Variants in MAU2 observed in about 807,000 individuals in gnomAD.
The protein encoded by MAU2 is MAU2 chromatid cohesion factor homolog.
Under a neutral mutation model 89.1 loss-of-function variants are expected in MAU2, and 9 were observed. That is an observed-to-expected ratio of 0.10 (90% CI 0.06 to 0.18). The LOEUF (loss-of-function observed/expected upper bound fraction) is 0.18. Ranked by LOEUF, MAU2 falls within the 10% of genes least tolerant of loss-of-function variation. MAU2 has a pLI of 1.00. For missense variants in MAU2, 425 were observed against 803.5 expected (o/e 0.53, Z 5.69); for synonymous variants, 357 against 343.4 (o/e 1.04, Z -0.44).
intron 13 of MAU2, chr19:19,348,509 C>A: frequency 2.5e-6 from 1 of 407,322 alleles, no homozygotes; most frequent in Non-Finnish European, 4.6e-6. Flanking sequence ...TCAGAGCCTC[C>A]CGGGGTCCCT....
rs1323920750 is a variant in MAU2 at position 19,356,188 on chromosome 19, CG to C, written c.*409del. 1 of 388,334 alleles carries C rather than the reference CG, an allele frequency of 2.6e-6. No individual in the cohort carries two copies. The highest frequency in any genetic ancestry group is 2.1e-5 in the African/African-American group (1 of 48,388). The allele number at this position is 388,334 out of a possible 1,614,324, so 24.1% of individuals were successfully genotyped here. On this transcript the variant is annotated 3_prime_UTR_variant, in exon 19 of 19. Coordinates refer to ENST00000262815, the MANE Select transcript of MAU2 (RefSeq NM_015329.4). ...CCATCACCCAGGCCTTGATGCCGAG[CG>C]GGAGTAGAGTGTTTCCTCTGCTCAA...
intron 1 of MAU2, among the ~76,000 whole-genome samples, chr19:19,333,018 G>A (rs1258042733): frequency 6.6e-6 from 1 of 151,914 alleles, no homozygotes; most frequent in East Asian, 1.9e-4. Context: ...CGGAGGTTGC[G>A]GTGAGCTGAG....
intron 14 of MAU2, 36 bp downstream of exon 14, chr19:19,348,974 A>G (rs1203533136): frequency 2.5e-6 from 4 of 1,607,864 alleles, no homozygotes; most frequent in Non-Finnish European, 3.4e-6. Context: ...CGCACGGCCT[A>G]GGCTCCCCGT....
rs1157418147 is a variant in MAU2 at position 19,343,700 on chromosome 19, G to A, written c.974-137G>A. 8.7e-6 allele frequency: 6 copies of A among 690,308 alleles called. No homozygotes were observed. The African/African-American group carries it at 1.0e-4, about 12-fold the overall frequency. 42.8% of individuals were successfully genotyped at this position (690,308 alleles called of 1,614,324 possible). ...CACACTCCTTCACTCAGAGGGTGCA[G>A]TGGGGACTAGGGGAGATGACGGGGT... On this transcript the variant is annotated intron_variant, in intron 9 of 18. Transcript: ENST00000262815.
chr19:19,351,306 C>A (rs1323666537), intron 16 of MAU2, among the ~76,000 whole-genome samples: 1 of 151,880 alleles, frequency 6.6e-6, no homozygotes, highest in Non-Finnish European at 1.5e-5. Flanking sequence ...CTTCAGCCTC[C>A]CAAAGTGCTA....
chr19:19,334,983 C>T (rs1034512613), intron 1 of MAU2, among the ~76,000 whole-genome samples: 6 of 152,194 alleles, frequency 3.9e-5, no homozygotes, highest in African/African-American at 7.2e-5. Context: ...CTGGGGACAG[C>T]GTTAGGCTTG....
intron 6 of MAU2, 90 bp from the exon 7 acceptor site, chr19:19,341,162 C>A: frequency 6.8e-7 from 1 of 1,462,884 alleles, no homozygotes; most frequent in Non-Finnish European, 9.2e-7. Context: ...GCAGCAGTCC[C>A]AGGGCAGGTG....
rs2061678501 is a variant in MAU2, at chr19:19,344,522, T to C, written c.1078-327T>C. On this transcript the variant is annotated intron_variant, in intron 10 of 18. Coordinates refer to ENST00000262815, the MANE Select transcript of MAU2 (RefSeq NM_015329.4). ...GGGGGTCCTTTGACAGTGATTGTTA[T>C]ACCCCACCCTGCCATTAGGAACACT... 9.6e-6 allele frequency: 4 copies of C among 418,486 alleles called. No individual in the cohort carries two copies. In the East Asian group the frequency reaches 1.2e-4, roughly 13 times the overall value. The allele number at this position is 418,486 out of a possible 1,614,324, so 25.9% of individuals were successfully genotyped here. A position where few individuals can be genotyped will look rare whatever the true frequency, so the allele number is the denominator to read the frequency against.
intron 5 of MAU2, among the ~76,000 whole-genome samples, chr19:19,340,136 G>A (rs2061629853): frequency 6.8e-6 from 1 of 147,894 alleles, no homozygotes; most frequent in Non-Finnish European, 1.5e-5. Flanking sequence ...CTGCACTCCA[G>A]CCTGGGCGAC....
intron 16 of MAU2, among the ~76,000 whole-genome samples, chr19:19,351,837 A>AT (rs35932608): frequency 0.015 from 875 of 58,980 alleles, 105 homozygotes; most frequent in Admixed American, 0.036. Flanking sequence ...CTGTTTGGTA[A>AT]TTTTTTTTTT....
chr19:19,331,393 T>G (rs1261833197), intron 1 of MAU2, among the ~76,000 whole-genome samples: 1 of 151,710 alleles, frequency 6.6e-6, no homozygotes, highest in Admixed American at 6.6e-5. Flanking sequence ...TCCCAGCTAC[T>G]CAGGAGGCTG....
At chr19:19,329,164 G>A (rs1053541923) in intron 1 of MAU2, 3 of 454,838 alleles carry the variant, frequency 6.6e-6, no homozygotes, top group Non-Finnish European at 1.3e-5. Context: ...CCCAGCGTAA[G>A]CAGTTCTTTC....
chr19:19,344,011 C>T, intron 10 of MAU2, 71 bp downstream of exon 10: 2 of 1,311,508 alleles, frequency 1.5e-6, no homozygotes, highest in Non-Finnish European at 2.2e-6. Flanking sequence ...AGACAAGAGA[C>T]TGAATTCGCC....
At chr19:19,324,293 G>C (rs968579128) in intron 1 of MAU2, among the ~76,000 whole-genome samples, 1 of 152,166 alleles carries the variant, frequency 6.6e-6, no homozygotes, top group African/African-American at 2.4e-5. Context: ...GAACCACTCG[G>C]GGGGTCAGGT....
chr19:19,352,046 G>A (rs992491547), intron 16 of MAU2, among the ~76,000 whole-genome samples: 6 of 151,544 alleles, frequency 4.0e-5, no homozygotes, highest in African/African-American at 1.5e-4. Flanking sequence ...ATGGGGTTTC[G>A]CCATGTTGGC....
intron 6 of MAU2, 95 bp downstream of exon 6, chr19:19,340,968 G>A: frequency 6.5e-7 from 1 of 1,532,588 alleles, no homozygotes; most frequent in African/African-American, 1.4e-5. Flanking sequence ...CACTCTCCAT[G>A]GCATGGCCCC....
At chr19:19,344,600 G>A (rs892369043) in intron 10 of MAU2, 3 of 566,032 alleles carry the variant, frequency 5.3e-6, no homozygotes, top group Non-Finnish European at 9.5e-6. Flanking sequence ...CAGTAGGCTG[G>A]AGGTCCTTTA....
At chr19:19,342,932 T>G in intron 9 of MAU2, 66 bp downstream of exon 9, 1 of 1,561,374 alleles carries the variant, frequency 6.4e-7, no homozygotes, top group Non-Finnish European at 8.8e-7. Context: ...GGCCAGACGC[T>G]AGCTGTACCA....
At chr19:19,355,625 G>A in intron 18 of MAU2, 83 bp from the exon 19 acceptor site, 1 of 1,331,064 alleles carries the variant, frequency 7.5e-7, no homozygotes, top group Admixed American at 1.8e-5. Flanking sequence ...TGTGTGAGCA[G>A]CCCAAGGAAG....
Sources: allele counts gnomAD v4.1 joint callset (sites outside exome capture counted in the v4.1 genomes callset), GRCh38; gene constraint gnomAD v4.1.1; transcripts MANE v1.5; gene names NCBI Gene and HGNC (gene_info 2026-07-23, HGNC 2026-07-21).